The following ANKRD11 variants were observed in gnomAD, a reference collection of about 807,000 sequenced individuals.
The protein encoded by ANKRD11 is ankyrin repeat domain-containing protein 11.
A neutral mutation model predicts 195.7 loss-of-function variants in ANKRD11; 17 were observed. The observed-to-expected ratio is 0.09, with a 90% CI of 0.06 to 0.13. ANKRD11 has a LOEUF of 0.13. Ranked by LOEUF, ANKRD11 falls within the 10% of genes least tolerant of loss-of-function variation. ANKRD11 has a pLI of 1.00. For missense variants in ANKRD11, 3,735 were observed against 3,566.1 expected, an observed-to-expected ratio of 1.05 and a Z score of -1.21; for synonymous variants, 1,953 against 1,528.1, an observed-to-expected ratio of 1.28 and a Z score of -6.49.
intron 2 of ANKRD11, among the ~76,000 whole-genome samples, chr16:89,341,265 T>G (rs2038643882): frequency 6.6e-6 from 1 of 152,236 alleles, no homozygotes. Context: ...AACAATGCTG[T>G]GGGTCCATTT....
intron 2 of ANKRD11, among the ~76,000 whole-genome samples, chr16:89,371,816 T>C (rs188024825): frequency 4.8e-4 from 73 of 152,196 alleles, no homozygotes; most frequent in Admixed American, 1.6e-3. Flanking sequence ...AGGCCAGCAA[T>C]GTCCATCATG....
intron 2 of ANKRD11, among the ~76,000 whole-genome samples, chr16:89,341,795 G>A (rs1049560926): frequency 6.6e-6 from 1 of 152,108 alleles, no homozygotes; most frequent in African/African-American, 2.4e-5. Context: ...AGAGATGGCA[G>A]AGTCTGGCAC....
At chr16:89,324,581 C>G (rs910996632) in intron 2 of ANKRD11, 14 of 451,390 alleles carry the variant, frequency 3.1e-5, no homozygotes, top group Non-Finnish European at 6.2e-5. Context: ...TCTGGGGGGG[C>G]ATGATCTCAT....
intron 2 of ANKRD11, among the ~76,000 whole-genome samples, chr16:89,368,371 GTTTTTTTTTTTT>G (rs71134210): frequency 6.5e-4 from 37 of 56,596 alleles, no homozygotes; most frequent in African/African-American, 1.1e-3. Flanking sequence ...TAATTTTTGT[GTTTTTTTTTTTT>G]TTTTTTTTTT....
At position 89,281,244 on chromosome 16, in the gene ANKRD11, C is replaced by T; in HGVS notation, c.5298G>A (p.Val1766=). The part of the protein sequence containing the change: ...CSPSFFDRFS[V]ASSGLSENAS... ...CGTTTTCCGAAAGCCCACTTGAAGCCACGGAGAACCTGTCGAAAAAGGAGG... is the reference window on the plus strand; with the variant it reads ...CGTTTTCCGAAAGCCCACTTGAAGCTACGGAGAACCTGTCGAAAAAGGAGG... Residue 1766 remains valine (V), a synonymous_variant, in exon 9 of 13, where the codon GTG becomes GTA. Transcript: ENST00000301030. The surrounding 1 kb of genome is among the most constrained non-coding windows in gnomAD (Gnocchi z 5.5). The T allele has an allele frequency of 6.2e-7, 1 of 1,614,210 alleles. No individual in the cohort carries two copies. Among genetic ancestry groups the T allele is most frequent in the Non-Finnish European group, 8.5e-7 (1 of 1,180,044 alleles).
At chr16:89,398,552 T>TA (rs869105533) in intron 2 of ANKRD11, among the ~76,000 whole-genome samples, 4 of 151,994 alleles carry the variant, frequency 2.6e-5, no homozygotes, top group Non-Finnish European at 5.9e-5. Context: ...CCCCATCTCT[T>TA]AAAAAAAATT....
chr16:89,274,714 G>A (rs565066026), intron 11 of ANKRD11, 100 bp downstream of exon 11: 8 of 1,553,686 alleles, frequency 5.1e-6, no homozygotes, highest in South Asian at 3.4e-5. Context: ...CTGAGCACCC[G>A]GGAAGCTCCT....
intron 2 of ANKRD11, among the ~76,000 whole-genome samples, chr16:89,416,124 C>T (rs149240075): frequency 5.5e-4 from 83 of 152,276 alleles, no homozygotes; most frequent in African/African-American, 1.9e-3. Context: ...TAGATTATTA[C>T]TGTGGCATGG....
At chr16:89,457,635 T>A (rs1233992675) in intron 1 of ANKRD11, among the ~76,000 whole-genome samples, 1 of 149,168 alleles carries the variant, frequency 6.7e-6, no homozygotes, top group African/African-American at 2.5e-5. Flanking sequence ...AATTCTAAAA[T>A]AAGCAAAACT....
chr16:89,411,667 G>C (rs554923747), intron 2 of ANKRD11, among the ~76,000 whole-genome samples: 2 of 152,272 alleles, frequency 1.3e-5, no homozygotes, highest in East Asian at 3.9e-4. Flanking sequence ...TCCCACCTCA[G>C]CCTCCCAGAG....
chr16:89,290,496 TG>T (rs35573568), intron 6 of ANKRD11, 128 bp downstream of exon 6: 1 of 137,156 alleles, frequency 7.3e-6, no homozygotes, highest in South Asian at 7.1e-5. Context: ...AGGGCTCCAA[TG>T]GGGGGAGGCT....
chr16:89,484,325 G>C (rs1009364338), intron 1 of ANKRD11, among the ~76,000 whole-genome samples: 3 of 152,096 alleles, frequency 2.0e-5, no homozygotes, highest in Admixed American at 2.0e-4. Flanking sequence ...GTCCTTCACT[G>C]CGTCTTACCT....
intron 4 of ANKRD11, chr16:89,297,454 C>G (rs2035514103): frequency 6.6e-6 from 1 of 152,166 alleles, no homozygotes; most frequent in South Asian, 2.1e-4. Context: ...TTCCATTTGA[C>G]TAAAAACCAT....
intron 11 of ANKRD11, chr16:89,271,730 A>G (rs2033173981): frequency 6.6e-6 from 1 of 152,324 alleles, no homozygotes; most frequent in African/African-American, 2.4e-5. Context: ...CTCTCGCCAC[A>G]TACAAACATC....
At chr16:89,488,306 A>G (rs963675296) in intron 1 of ANKRD11, among the ~76,000 whole-genome samples, 8 of 152,072 alleles carry the variant, frequency 5.3e-5, no homozygotes, top group African/African-American at 1.9e-4. Flanking sequence ...TGGCCAGCCT[A>G]TCGAAGGAGA....
intron 2 of ANKRD11, among the ~76,000 whole-genome samples, chr16:89,414,719 T>A (rs1308088771): frequency 6.6e-6 from 1 of 152,096 alleles, no homozygotes; most frequent in Non-Finnish European, 1.5e-5. Flanking sequence ...GGACCCTATG[T>A]CACTGCGGCC....
chr16:89,328,594 T>G (rs1340814893), intron 2 of ANKRD11, among the ~76,000 whole-genome samples: 4 of 74,928 alleles, frequency 5.3e-5, no homozygotes, highest in Non-Finnish European at 8.4e-5. Flanking sequence ...GGCGTACGGG[T>G]GAATCTGCAG....
At chr16:89,369,654 T>C (rs945227328) in intron 2 of ANKRD11, among the ~76,000 whole-genome samples, 6 of 152,138 alleles carry the variant, frequency 3.9e-5, no homozygotes, top group Non-Finnish European at 8.8e-5. Flanking sequence ...GGGGTCCTTG[T>C]GGTGACGCAA....
intron 2 of ANKRD11, among the ~76,000 whole-genome samples, chr16:89,348,211 C>CA (rs2039036616): frequency 1.3e-5 from 2 of 152,178 alleles, no homozygotes; most frequent in African/African-American, 4.8e-5. Flanking sequence ...GGATTACAGG[C>CA]ATGAGCCACC....
Sources: gnomAD v4.1 joint callset for allele counts (sites outside exome capture counted in the v4.1 genomes callset) on GRCh38, gnomAD v4.1.1 for gene constraint, Gnocchi (gnomAD v3.1) non-coding constraint, MANE v1.5 for transcripts, NCBI Gene and HGNC (gene_info 2026-07-23, HGNC 2026-07-21) for gene names.